The following ACBD3 variants were observed in gnomAD, a reference collection of about 807,000 sequenced individuals.
ACBD3 encodes the protein acyl-CoA binding domain containing 3.
Under a neutral mutation model 66.9 loss-of-function variants are expected in ACBD3, and 30 were observed. The observed-to-expected ratio is 0.45, with a 90% CI of 0.34 to 0.61. The LOEUF (loss-of-function observed/expected upper bound fraction) is 0.61, where lower values mean the gene tolerates loss of function less well. Ranked by LOEUF, ACBD3 falls within the 20% of genes least tolerant of loss-of-function variation. The pLI, the probability that ACBD3 is intolerant of heterozygous loss-of-function variation, is 0.02. For missense variants in ACBD3, 544 were observed against 664.5 expected (o/e 0.82, Z 1.99); for synonymous variants, 278 against 259.8 (o/e 1.07, Z -0.68).
intron 1 of ACBD3, among the ~76,000 whole-genome samples, chr1:226,178,942 G>A (rs1337574646): frequency 3.3e-5 from 5 of 152,092 alleles, no homozygotes; most frequent in Admixed American, 2.6e-4. Flanking sequence ...TCCATCCACA[G>A]GGTTTATTTC....
At chr1:226,156,509 TACAC>T (rs984399054) in intron 5 of ACBD3, among the ~76,000 whole-genome samples, 1 of 151,788 alleles carries the variant, frequency 6.6e-6, no homozygotes, top group Non-Finnish European at 1.5e-5. Context: ...GGAAAAAAAA[TACAC>T]ACACGCACAC....
intron 1 of ACBD3, among the ~76,000 whole-genome samples, chr1:226,171,663 G>A (rs2102786253): frequency 6.6e-6 from 1 of 151,378 alleles, no homozygotes; most frequent in Non-Finnish European, 1.5e-5. Context: ...TCAGCCTCCT[G>A]AGTAGCTGGG....
intron 1 of ACBD3, among the ~76,000 whole-genome samples, chr1:226,185,446 G>A (rs1241427077): frequency 1.3e-5 from 2 of 152,080 alleles, no homozygotes; most frequent in African/African-American, 4.8e-5. Flanking sequence ...TGGAATGTAC[G>A]TGGAACCTAG....
chr1:226,180,584 T>C (rs186851512), intron 1 of ACBD3, among the ~76,000 whole-genome samples: 1 of 152,324 alleles, frequency 6.6e-6, no homozygotes, highest in East Asian at 1.9e-4. Context: ...CTCCTGGGCA[T>C]TGGCTACACT....
At chr1:226,171,451 G>A (rs936451933) in intron 1 of ACBD3, among the ~76,000 whole-genome samples, 1 of 150,968 alleles carries the variant, frequency 6.6e-6, no homozygotes, top group Non-Finnish European at 1.5e-5. Context: ...GCCTGGTCGA[G>A]TTTCAGTACT....
chr1:226,182,102 G>A (rs774023189), intron 1 of ACBD3, among the ~76,000 whole-genome samples: 6 of 152,038 alleles, frequency 3.9e-5, no homozygotes, highest in Non-Finnish European at 5.9e-5. Context: ...ATGGTGGCTC[G>A]TGCCTGTGGT....
At chr1:226,154,374 G>A (rs1201858208) in intron 6 of ACBD3, among the ~76,000 whole-genome samples, 1 of 151,850 alleles carries the variant, frequency 6.6e-6, no homozygotes, top group Admixed American at 6.6e-5. Context: ...CGCCCAGCCT[G>A]TAATTTGTTA....
intron 1 of ACBD3, among the ~76,000 whole-genome samples, chr1:226,166,516 C>T (rs1196942746): frequency 2.7e-5 from 4 of 147,474 alleles, no homozygotes; most frequent in East Asian, 2.0e-4. Flanking sequence ...GACAAGGTCT[C>T]GCTCTATTGC....
At position 226,154,690 on chromosome 1, in the gene ACBD3, C is replaced by T. The variant is rs1659639339; in HGVS notation, c.1047G>A (p.Leu349=). The T allele has an allele frequency of 1.2e-6, 2 of 1,613,292 alleles. No homozygotes were observed. The highest frequency in any genetic ancestry group is 1.3e-5 in the African/African-American group (1 of 74,896). The change falls in exon 6 of 8, where the codon CTG becomes CTA. Residue 349 remains leucine, a synonymous_variant. Coordinates refer to ENST00000366812, the MANE Select transcript of ACBD3 (RefSeq NM_022735.4). ...GGGCTTCTTCTGCAGCTTCTGGTTC[C>T]AGTTCTTTTTCGGAGCTGTCAGTGT... ...KTHTDSSEKE[L]EPEAAEEALE... is the part of the protein sequence containing the mutation.
At position 226,152,366 on chromosome 1, in the gene ACBD3, A is replaced by G; in HGVS notation, c.1344T>C (p.Ser448=). Residue 448 remains serine (S), a synonymous_variant, in exon 7 of 8, where the codon AGT becomes AGC. Transcript: ENST00000366812. The stretch of plus-strand genomic sequence containing the variant: ...CCTCCTCGTCGTCATCGCTGGACTC[A>G]CTGACATGCACGCTGACAGCAGTGT... ...SPNTAVSVHV[S]ESSDDDEEEE... 2 of 1,614,218 alleles carry G rather than the reference A, an allele frequency of 1.2e-6. No homozygotes were observed. The highest frequency in any genetic ancestry group is 1.7e-6 in the Non-Finnish European group (2 of 1,180,042).
At chr1:226,147,200 T>C (rs997150255) in intron 7 of ACBD3, among the ~76,000 whole-genome samples, 1 of 152,246 alleles carries the variant, frequency 6.6e-6, no homozygotes, top group African/African-American at 2.4e-5. Context: ...TATCCTTTCT[T>C]TGAGAAACTG....
At chr1:226,156,883 T>C (rs1001313080) in intron 5 of ACBD3, among the ~76,000 whole-genome samples, 1 of 152,142 alleles carries the variant, frequency 6.6e-6, no homozygotes, top group African/African-American at 2.4e-5. Flanking sequence ...TGGTCCCTCA[T>C]CTCCACTAAT....
At chr1:226,155,080 C>G in intron 5 of ACBD3, 1 of 289,900 alleles carries the variant, frequency 3.4e-6, no homozygotes, top group Non-Finnish European at 6.3e-6. Flanking sequence ...AACTAAGGCT[C>G]ACATTTCTGT....
chr1:226,179,583 C>T (rs142109079), intron 1 of ACBD3, among the ~76,000 whole-genome samples: 1 of 152,278 alleles, frequency 6.6e-6, no homozygotes, highest in East Asian at 1.9e-4. Flanking sequence ...CTGGGCCAGG[C>T]GTGGTGGTTC....
chr1:226,165,707 A>G, intron 2 of ACBD3, 152 bp downstream of exon 2: 1 of 739,666 alleles, frequency 1.4e-6, no homozygotes. Context: ...CTAAAAACAG[A>G]TAAATATCTG....
chr1:226,159,803 A>G (rs576939161), intron 4 of ACBD3, among the ~76,000 whole-genome samples: 9 of 152,304 alleles, frequency 5.9e-5, no homozygotes, highest in African/African-American at 2.2e-4. Flanking sequence ...CTAGAGCTAC[A>G]CTAATTTACC....
At chr1:226,164,700 T>A (rs1659838879) in intron 3 of ACBD3, 89 bp downstream of exon 3, 1 of 1,376,662 alleles carries the variant, frequency 7.3e-7, no homozygotes, top group Non-Finnish European at 9.6e-7. Context: ...AGACACCTGA[T>A]CTAGAACTAG....
At position 226,144,876 on chromosome 1, in the gene ACBD3, A is replaced by G. The variant is rs1383367270; in HGVS notation, c.*1734T>C. The G allele has an allele frequency of 6.5e-6, 1 of 152,672 alleles. No individual in the cohort carries two copies. The highest frequency in any genetic ancestry group is 1.5e-5 in the Non-Finnish European group (1 of 68,040). 9.5% of individuals were successfully genotyped at this position (152,672 alleles called of 1,614,324 possible). The stretch of plus-strand genomic sequence containing the variant: ...CCAAGAACAATGATATTTTTAGGAG[A>G]TAATTCATCTTAACATGTGCAAGGA... On this transcript the variant is annotated 3_prime_UTR_variant, in exon 8 of 8. Coordinates refer to ENST00000366812, the MANE Select transcript of ACBD3 (RefSeq NM_022735.4).
chr1:226,161,394 G>C, intron 4 of ACBD3, 137 bp downstream of exon 4: 1 of 1,175,872 alleles, frequency 8.5e-7, no homozygotes. Context: ...CCAACCTCAG[G>C]TGATCTGCCC....
Sources: gnomAD v4.1 joint callset for allele counts (sites outside exome capture counted in the v4.1 genomes callset) on GRCh38, gnomAD v4.1.1 for gene constraint, MANE v1.5 for transcripts, NCBI Gene and HGNC (gene_info 2026-07-23, HGNC 2026-07-21) for gene names.